The following CNTNAP2 variants were observed in gnomAD, a reference collection of about 807,000 sequenced individuals.
CNTNAP2 encodes the protein contactin associated protein 2, also known as contactin-associated protein-like 2.
In CNTNAP2, 98 loss-of-function variants were observed where a neutral mutation model predicts 155.2. The observed-to-expected ratio is 0.63, with a 90% CI of 0.54 to 0.75. The LOEUF (loss-of-function observed/expected upper bound fraction) is 0.75. Ranked by LOEUF, CNTNAP2 falls within the 30% of genes least tolerant of loss-of-function variation. CNTNAP2 has a pLI of 0.00. For missense variants in CNTNAP2, 1,727 were observed against 1,688.1 expected (o/e 1.02, Z -0.40); for synonymous variants, 651 against 631.2 (o/e 1.03, Z -0.47).
At position 146,148,122 on chromosome 7, in the gene CNTNAP2, T is replaced by C. The variant is rs1797982137; in HGVS notation, c.97+31149T>C. ...TTTACTTCTATAGTGCTCACCTTGA[T>C]GAGCATCACAATGATGTTCTTTTAT... On this transcript the variant is annotated intron_variant, in intron 1 of 23. Coordinates refer to ENST00000361727, the MANE Select transcript of CNTNAP2 (RefSeq NM_014141.6). Among the ~76,000 whole-genome samples the C allele has an allele frequency of 2.6e-5, 4 of 152,152 alleles. No homozygotes were observed. In the South Asian group the frequency reaches 6.2e-4, roughly 24 times the overall value.
chr7:146,688,468 T>G (rs1563189342), intron 1 of CNTNAP2, among the ~76,000 whole-genome samples: 1 of 152,038 alleles, frequency 6.6e-6, no homozygotes, highest in Non-Finnish European at 1.5e-5. Context: ...GGCAGTTTTA[T>G]AGAATTTGGG....
At chr7:146,535,677 T>G (rs1797858111) in intron 1 of CNTNAP2, among the ~76,000 whole-genome samples, 1 of 151,696 alleles carries the variant, frequency 6.6e-6, no homozygotes, top group South Asian at 2.1e-4. Context: ...GTATATCGTG[T>G]GATGCTGAGG....
intron 4 of CNTNAP2, among the ~76,000 whole-genome samples, chr7:147,050,201 C>T (rs1041371100): frequency 2.6e-5 from 4 of 152,120 alleles, no homozygotes; most frequent in Admixed American, 6.6e-5. Context: ...AATCTTCTTA[C>T]GCGATACCAG....
chr7:147,579,454 G>T (rs1382869736), intron 12 of CNTNAP2, among the ~76,000 whole-genome samples: 2 of 152,008 alleles, frequency 1.3e-5, no homozygotes, highest in Non-Finnish European at 2.9e-5. Flanking sequence ...CAAATAATCT[G>T]TTATAATATG....
chr7:146,546,341 A>G (rs1798028979), intron 1 of CNTNAP2, among the ~76,000 whole-genome samples: 1 of 151,982 alleles, frequency 6.6e-6, no homozygotes, highest in African/African-American at 2.4e-5. Context: ...CTAGAATGCA[A>G]AGATTGGTAT....
chr7:147,387,363 C>T (rs1796641301), intron 9 of CNTNAP2, among the ~76,000 whole-genome samples: 1 of 152,102 alleles, frequency 6.6e-6, no homozygotes, highest in African/African-American at 2.4e-5. Flanking sequence ...GTCGCTTGTC[C>T]TGAAATTGGA....
At chr7:146,150,980 T>G (rs1371949703) in intron 1 of CNTNAP2, among the ~76,000 whole-genome samples, 1 of 152,042 alleles carries the variant, frequency 6.6e-6, no homozygotes, top group Non-Finnish European at 1.5e-5. Context: ...CTCAGGAAAC[T>G]TACAGTCATG....
intron 22 of CNTNAP2, among the ~76,000 whole-genome samples, chr7:148,407,966 C>T (rs1046185365): frequency 1.3e-5 from 2 of 152,130 alleles, no homozygotes; most frequent in Non-Finnish European, 1.5e-5. Context: ...CAAGTCTGGC[C>T]AGGTGCAGTG....
At chr7:146,126,406 TTTCAATGGTAGCACA>T (rs1315201662) in intron 1 of CNTNAP2, among the ~76,000 whole-genome samples, 24 of 152,352 alleles carry the variant, frequency 1.6e-4, no homozygotes, top group Admixed American at 1.0e-3. Context: ...AATGCAGCTC[TTTCAATGGTAGCACA>T]TTAAATCATA....
chr7:146,600,544 C>T (rs1382924416), intron 1 of CNTNAP2, among the ~76,000 whole-genome samples: 1 of 151,970 alleles, frequency 6.6e-6, no homozygotes, highest in African/African-American at 2.4e-5. Context: ...GTTACTGGTC[C>T]TAAAATATCT....
chr7:148,301,197 G>A (rs1797380406), intron 21 of CNTNAP2, among the ~76,000 whole-genome samples: 1 of 151,536 alleles, frequency 6.6e-6, no homozygotes, highest in South Asian at 2.1e-4. Context: ...AGGAGGCTGA[G>A]GCAGGAGAAT....
intron 1 of CNTNAP2, among the ~76,000 whole-genome samples, chr7:146,166,381 C>T (rs1798312800): frequency 6.6e-6 from 1 of 152,146 alleles, no homozygotes; most frequent in South Asian, 2.1e-4. Flanking sequence ...GCGTGAGCCA[C>T]CACACCTGGC....
chr7:148,092,353 G>A (rs1014075638), intron 15 of CNTNAP2, among the ~76,000 whole-genome samples: 1 of 152,124 alleles, frequency 6.6e-6, no homozygotes, highest in African/African-American at 2.4e-5. Flanking sequence ...TTAATGAGTG[G>A]CATGATTCCA....
At chr7:146,283,781 G>C (rs993947566) in intron 1 of CNTNAP2, among the ~76,000 whole-genome samples, 4 of 152,072 alleles carry the variant, frequency 2.6e-5, no homozygotes, top group Non-Finnish European at 2.9e-5. Context: ...TATGTCACAT[G>C]ATCATATTTT....
chr7:147,168,087 GAC>G (rs1405043662), intron 8 of CNTNAP2, among the ~76,000 whole-genome samples: 3 of 148,096 alleles, frequency 2.0e-5, no homozygotes, highest in Non-Finnish European at 3.0e-5. Flanking sequence ...ACATATATAT[GAC>G]ACATATATGT....
chr7:147,058,389 A>G (rs1294575559), intron 4 of CNTNAP2, among the ~76,000 whole-genome samples: 2 of 152,206 alleles, frequency 1.3e-5, no homozygotes, highest in Non-Finnish European at 2.9e-5. Context: ...TCTATAGAGT[A>G]TATTACACTA....
chr7:146,324,928 TA>T (rs1303016101), intron 1 of CNTNAP2, among the ~76,000 whole-genome samples: 1 of 152,066 alleles, frequency 6.6e-6, no homozygotes, highest in Admixed American at 6.6e-5. Flanking sequence ...AACAAAATAG[TA>T]AAAATGACAA....
chr7:147,941,178 A>G (rs1320102767), intron 14 of CNTNAP2, among the ~76,000 whole-genome samples: 1 of 152,182 alleles, frequency 6.6e-6, no homozygotes, highest in Non-Finnish European at 1.5e-5. Flanking sequence ...GGAGACTGGA[A>G]GGAGAATTTG....
intron 3 of CNTNAP2, among the ~76,000 whole-genome samples, chr7:147,010,555 G>A (rs1430128977): frequency 1.3e-5 from 2 of 152,082 alleles, no homozygotes; most frequent in African/African-American, 4.8e-5. Flanking sequence ...GAGTTTAGAG[G>A]GGATACCATT....
Sources: gnomAD v4.1 joint callset for allele counts (sites outside exome capture counted in the v4.1 genomes callset) on GRCh38, gnomAD v4.1.1 for gene constraint, MANE v1.5 for transcripts, NCBI Gene and HGNC (gene_info 2026-07-23, HGNC 2026-07-21) for gene names.